The following GANAB variants were observed in gnomAD, a reference collection of about 807,000 sequenced individuals.
The protein encoded by GANAB is glucosidase II alpha subunit, also known as neutral alpha-glucosidase AB.
In GANAB, 35 loss-of-function variants were observed where a neutral mutation model predicts 129.9. The observed-to-expected ratio is 0.27, with a 90% CI of 0.21 to 0.36. GANAB has a LOEUF of 0.36. Ranked by LOEUF, GANAB falls within the 10% of genes least tolerant of loss-of-function variation. The pLI, the probability that GANAB is intolerant of heterozygous loss-of-function variation, is 1.00. For synonymous variants in GANAB, 482 were observed against 451.8 expected, an observed-to-expected ratio of 1.07 and a Z score of -0.85; for missense variants, 939 against 1,221.0, an observed-to-expected ratio of 0.77 and a Z score of 3.44.
chr11:62,643,483 C>CA (rs1169635807), intron 1 of GANAB, among the ~76,000 whole-genome samples: 132 of 149,074 alleles, frequency 8.9e-4, no homozygotes, highest in Admixed American at 2.2e-3. Context: ...ACTAAAAATA[C>CA]AAAAAAAAAA....
In GANAB at chr11:62,627,082, T is replaced by C. The variant is rs1479160135; in HGVS notation, c.2288A>G (p.His763Arg). The change falls in exon 19 of 24, where the codon CAT (histidine) becomes CGT (arginine). Residue 763 changes from histidine to arginine, a missense_variant. This residue lies in a region of GANAB where 230 missense variants were observed against 259.9 expected (regional missense o/e 0.89). Transcript: ENST00000356638. ...GCCAGGCAGATAGACCTGGACACCA[T>C]GGGCTCCAGAGTCTGATACAGGGTG... ...LVHPVSDSGA[H>R]GVQVYLPGQG... The C allele has an allele frequency of 1.9e-6, 3 of 1,613,908 alleles. No homozygotes were observed. The highest frequency in any genetic ancestry group is 1.3e-5 in the African/African-American group (1 of 74,928).
At chr11:62,626,194 AG>A (rs1172782890) in intron 22 of GANAB, 29 bp from the exon 23 acceptor site, 1 of 1,505,998 alleles carries the variant, frequency 6.6e-7, no homozygotes, top group Middle Eastern at 1.7e-4. Flanking sequence ...GATGTCCATC[AG>A]GGGGAAAAAT....
chr11:62,632,761 C>A lies in GANAB; in HGVS notation c.816-16G>T. On this transcript the variant is annotated splice_polypyrimidine_tract_variant and intron_variant, in intron 8 of 23. Coordinates refer to ENST00000356638, the MANE Select transcript of GANAB (RefSeq NM_198334.3). ...CTCCCCACCCCTGCAGGCAAACAGA[C>A]AGACTTGGGCTGCTAACTGGCCCCA... The A allele has an allele frequency of 4.4e-6, 7 of 1,605,778 alleles. No homozygotes were observed. The highest frequency in any genetic ancestry group is 6.0e-6 in the Non-Finnish European group (7 of 1,173,656).
In GANAB at chr11:62,630,715, A is replaced by G; in HGVS notation, c.1272T>C (p.Asp424=). Residue 424 remains aspartate, a synonymous_variant, in exon 11 of 24, where the codon GAT becomes GAC. Coordinates refer to ENST00000356638, the MANE Select transcript of GANAB (RefSeq NM_198334.3). ...QGFDDHNLPC[D]VIWLDIEHAD... is the part of the protein sequence containing the mutation. ...CATGTTCAATGTCTAGCCAGATGAC[A>G]TCACAGGGCAGGTTGTGATCATCAA... The G allele has an allele frequency of 6.2e-7, 1 of 1,614,154 alleles. No individual in the cohort carries two copies. Among genetic ancestry groups the G allele is most frequent in the African/African-American group, 1.3e-5 (1 of 75,038 alleles).
chr11:62,642,543 T>C (rs1021995803), intron 1 of GANAB, among the ~76,000 whole-genome samples: 3 of 151,830 alleles, frequency 2.0e-5, no homozygotes, highest in Non-Finnish European at 4.4e-5. Flanking sequence ...CAAGCGATTC[T>C]CCCGCCTCAG....
chr11:62,630,056 T>C, intron 13 of GANAB, 99 bp from the exon 14 acceptor site: 4 of 1,412,892 alleles, frequency 2.8e-6, no homozygotes, highest in Non-Finnish European at 4.0e-6. Flanking sequence ...AAAAGATGCA[T>C]TTTTCAGGGC....
At chr11:62,634,056 G>T in intron 5 of GANAB, 1 of 462,306 alleles carries the variant, frequency 2.2e-6, no homozygotes, top group Non-Finnish European at 3.9e-6. Flanking sequence ...CCCAGCAATA[G>T]GCAGCATCTC....
chr11:62,637,526 C>T (rs1461810400), intron 4 of GANAB, among the ~76,000 whole-genome samples: 3 of 152,082 alleles, frequency 2.0e-5, no homozygotes, highest in Admixed American at 1.3e-4. Context: ...TAGTTATACA[C>T]CAAAGAGAAA....
At chr11:62,638,369 G>T (rs1352886295) in intron 4 of GANAB, among the ~76,000 whole-genome samples, 1 of 152,066 alleles carries the variant, frequency 6.6e-6, no homozygotes, top group Admixed American at 6.6e-5. Flanking sequence ...GGCCAAGCTG[G>T]TCTCCAACTC....
chr11:62,646,426 G>A (rs1362781216), intron 1 of GANAB, 136 bp downstream of exon 1: 7 of 1,014,740 alleles, frequency 6.9e-6, no homozygotes, highest in Admixed American at 2.3e-5. Flanking sequence ...GGCGTCTGAG[G>A]CCGCCTCCAG....
chr11:62,643,460 A>G (rs1251047183), intron 1 of GANAB, among the ~76,000 whole-genome samples: 1 of 152,148 alleles, frequency 6.6e-6, no homozygotes, highest in Non-Finnish European at 1.5e-5. Flanking sequence ...CAACATGATG[A>G]AACCCCGTCT....
intron 1 of GANAB, among the ~76,000 whole-genome samples, chr11:62,645,043 G>T (rs1396546787): frequency 6.6e-6 from 1 of 151,936 alleles, no homozygotes; most frequent in African/African-American, 2.4e-5. Context: ...CGAAACAACT[G>T]TTCCACAGCA....
At position 62,629,937 on chromosome 11, in the gene GANAB, A is replaced by G; in HGVS notation, c.1614T>C (p.Phe538=). ...DNYEGSAPNL[F]VWNDMNEPSV... ...ATGGTTCGTTCATGTCATTCCAGAC[A>G]AAGAGGTTGGGAGCTGAGCCCTGGG... The change falls in exon 14 of 24, where the codon TTT becomes TTC. Residue 538 remains phenylalanine, a synonymous_variant. Transcript: ENST00000356638. The G allele has an allele frequency of 6.2e-7, 1 of 1,614,186 alleles. No individual in the cohort carries two copies. The highest frequency in any genetic ancestry group is 8.5e-7 in the Non-Finnish European group (1 of 1,180,018).
chr11:62,634,105 G>A (rs544485555), intron 5 of GANAB, among the ~76,000 whole-genome samples: 18 of 152,162 alleles, frequency 1.2e-4, no homozygotes, highest in African/African-American at 3.4e-4. Context: ...CTACATTCCC[G>A]AAGGACCTGA....
intron 5 of GANAB, chr11:62,633,999 T>C (rs1285739166): frequency 5.2e-6 from 2 of 385,554 alleles, no homozygotes; most frequent in Non-Finnish European, 4.7e-6. Flanking sequence ...CAAGGGCAAG[T>C]AGCTCTGCCC....
At chr11:62,627,175 G>A (rs750746389) in intron 18 of GANAB, 51 bp from the exon 19 acceptor site, 47 of 1,527,238 alleles carry the variant, frequency 3.1e-5, no homozygotes, top group Non-Finnish European at 4.2e-5. Flanking sequence ...TCCCAGAACA[G>A]GGAACACCAA....
At chr11:62,626,779 C>T in intron 20 of GANAB, 81 bp downstream of exon 20, 2 of 1,323,296 alleles carry the variant, frequency 1.5e-6, no homozygotes. Flanking sequence ...CACATAGGTA[C>T]TGGACCCTAA....
At chr11:62,626,996 T>C (rs905289346) in intron 19 of GANAB, 52 bp downstream of exon 19, 60 of 1,581,962 alleles carry the variant, frequency 3.8e-5, no homozygotes, top group Non-Finnish European at 5.0e-5. Flanking sequence ...CCGTCCTGTT[T>C]GCCTCCTTTG....
chr11:62,629,106 C>T, intron 16 of GANAB, 88 bp downstream of exon 16: 1 of 1,550,970 alleles, frequency 6.4e-7, no homozygotes, highest in South Asian at 1.1e-5. Context: ...GGACTCTCAA[C>T]TCTCTTTGCT....
Sources: gnomAD v4.1 joint callset for allele counts (sites outside exome capture counted in the v4.1 genomes callset) on GRCh38, gnomAD v4.1.1 for gene constraint, gnomAD v4.1.1 regional missense constraint, MANE v1.5 for transcripts, NCBI Gene and HGNC (gene_info 2026-07-23, HGNC 2026-07-21) for gene names.